Variants in GSS observed in about 807,000 individuals in gnomAD.
The protein encoded by GSS is GSH synthetase.
In GSS, 34 loss-of-function variants were observed where a neutral mutation model predicts 60.4. The observed-to-expected ratio is 0.56, with a 90% CI of 0.43 to 0.75. The LOEUF (loss-of-function observed/expected upper bound fraction) is 0.75, where lower values mean the gene tolerates loss of function less well. Ranked by LOEUF, GSS falls within the 30% of genes least tolerant of loss-of-function variation. GSS has a pLI of 0.00. For missense variants in GSS, 499 were observed against 595.1 expected, an observed-to-expected ratio of 0.84 and a Z score of 1.68; for synonymous variants, 224 against 239.0, an observed-to-expected ratio of 0.94 and a Z score of 0.58.
At chr20:34,941,942 C>T (rs1283711709) in intron 5 of GSS, 113 bp from the exon 6 acceptor site, 6 of 754,128 alleles carry the variant, frequency 8.0e-6, no homozygotes, top group Non-Finnish European at 2.4e-6. Context: ...CACTAAAAAG[C>T]ATCCTCCCAT....
At chr20:34,932,641 AT>A (rs2081410939) in intron 9 of GSS, among the ~76,000 whole-genome samples, 1 of 151,996 alleles carries the variant, frequency 6.6e-6, no homozygotes, top group Admixed American at 6.6e-5. Context: ...GATCCTTACC[AT>A]CCTTACATCT....
rs149167077 is a variant in GSS, at chr20:34,939,922, G to A, written c.608+1791C>T. ...TGACCTCTGATGATCCACCCGCCTC[G>A]GTCTCCCAAAGTGCTGGGATTAGAG... On this transcript the variant is annotated intron_variant, in intron 6 of 12. Coordinates refer to ENST00000651619, the MANE Select transcript of GSS (RefSeq NM_000178.4). Among the ~76,000 whole-genome samples the A allele has an allele frequency of 3.8e-3, 573 of 151,976 alleles. 2 individuals carry two copies. Among genetic ancestry groups the A allele is most frequent in the African/African-American group, 0.013 (546 of 41,448 alleles).
chr20:34,932,138 A>T lies in GSS; in HGVS notation c.835-5T>A, dbSNP rs777196322. On this transcript the variant is annotated splice_polypyrimidine_tract_variant and splice_region_variant and intron_variant, in intron 9 of 12. Coordinates refer to ENST00000651619, the MANE Select transcript of GSS (RefSeq NM_000178.4). ...CAGTAGACGTGCTTCCCAATTCTGC[A>T]GAGGGAAGAAGACAAAAGGAATTCG... 8 of 1,610,814 alleles carry T rather than the reference A, an allele frequency of 5.0e-6. 1 individual carries two copies. In the South Asian group the frequency reaches 7.7e-5, roughly 15 times the overall value.
At chr20:34,953,616 C>CT (rs1569019899) in intron 1 of GSS, among the ~76,000 whole-genome samples, 1 of 137,650 alleles carries the variant, frequency 7.3e-6, no homozygotes, top group African/African-American at 2.9e-5. Flanking sequence ...CTCCCTCTTT[C>CT]TTTCTTTTTT....
chr20:34,942,568 G>A lies in GSS; in HGVS notation c.411C>T (p.Ser137=), dbSNP rs550805482. 5.0e-6 allele frequency: 8 copies of A among 1,613,978 alleles called. No homozygotes were observed. The South Asian group carries it at 8.8e-5, about 18-fold the overall frequency. The change falls in exon 5 of 13, where the codon TCC becomes TCT. Residue 137 remains serine, a synonymous_variant. Transcript: ENST00000651619. The part of the protein sequence containing the change: ...DYMFQRSADG[S]PALKQIEINT... ...TGATTTCGATCTGTTTCAGGGCTGG[G>A]GAGCCATCTGCGCTGCGCTGGAACA...
At position 34,930,264 on chromosome 20, in the gene GSS, C is replaced by CAAA. The variant is rs34585562; in HGVS notation, c.1112-677_1112-675dup. On this transcript the variant is annotated intron_variant, in intron 11 of 12. Transcript: ENST00000651619. ...CTGGTGACAGAGCGAGAATCCGTCTCAAAAAAAAAAAAAAAATTGTTAACT... is the reference window on the plus strand; with the variant it reads ...CTGGTGACAGAGCGAGAATCCGTCTCAAAAAAAAAAAAAAAAAAATTGTTAACT... Among the ~76,000 whole-genome samples, 171 of 130,628 alleles carry CAAA rather than the reference C, an allele frequency of 1.3e-3. 1 individual carries two copies. The highest frequency in any genetic ancestry group is 4.6e-3 in the African/African-American group (162 of 35,056). The allele number at this position is 130,628 out of a possible 152,430, so 85.7% of individuals were successfully genotyped here.
At chr20:34,932,270 C>A in intron 9 of GSS, 137 bp from the exon 10 acceptor site, 1 of 771,422 alleles carries the variant, frequency 1.3e-6, no homozygotes, top group Non-Finnish European at 2.3e-6. Flanking sequence ...TTCTAACATC[C>A]TTGTGAGCCA....
rs917467878 is a variant in GSS, at chr20:34,952,498, G to A, written c.-8-638C>T. On this transcript the variant is annotated intron_variant, in intron 1 of 12. Transcript: ENST00000651619. ...CGCCTAGGCTGGAGTTCAGTGGCTC[G>A]ATCTTGGCTCACTGCAACCTCCGCC... Among the ~76,000 whole-genome samples, 6 of 151,570 alleles carry A rather than the reference G, an allele frequency of 4.0e-5. No homozygotes were observed. The East Asian group carries it at 7.7e-4, about 20-fold the overall frequency.
chr20:34,928,932 T>C lies in GSS; in HGVS notation c.1321A>G (p.Met441Val). The C allele has an allele frequency of 6.2e-7, 1 of 1,613,524 alleles. No individual in the cohort carries two copies. The highest frequency in any genetic ancestry group is 8.5e-7 in the Non-Finnish European group (1 of 1,180,024). ...AGTAGATGCCCCACGTGCTTGTTCA[T>C]CACGAGTGTCTTTTCCTGCCTATAG... Reference protein sequence around the residue: ...VYVRQEKTLVMNKHVGHLLRT... With the variant: ...VYVRQEKTLVVNKHVGHLLRT... The change falls in exon 13 of 13, where the codon ATG (methionine) becomes GTG (valine). Residue 441 changes from methionine (M) to valine (V), a missense_variant. Physicochemically the swap from Met to Val is conservative, Grantham distance 21. Transcript: ENST00000651619.
At chr20:34,932,852 T>G (rs535131588) in intron 9 of GSS, among the ~76,000 whole-genome samples, 1 of 152,128 alleles carries the variant, frequency 6.6e-6, no homozygotes, top group Non-Finnish European at 1.5e-5. Context: ...TGTTTACTTT[T>G]TTTTTCTTTT....
In GSS at chr20:34,928,740, G is replaced by A. The variant is rs1222892545; in HGVS notation, c.*88C>T. 13 of 1,455,696 alleles carry A rather than the reference G, an allele frequency of 8.9e-6. No homozygotes were observed. The highest frequency in any genetic ancestry group is 1.2e-5 in the Non-Finnish European group (13 of 1,040,618). 90.2% of individuals were successfully genotyped at this position (1,455,696 alleles called of 1,614,324 possible). On this transcript the variant is annotated 3_prime_UTR_variant, in exon 13 of 13. Transcript: ENST00000651619. ...GTATTTACCCTTCCATAAAAACTTTGGAGGTCTTTAGGAGGATACCCCTCA... is the reference window on the plus strand; with the variant it reads ...GTATTTACCCTTCCATAAAAACTTTAGAGGTCTTTAGGAGGATACCCCTCA...
Position 34,945,975 on chromosome 20 carries a change from A to C in GSS, c.253T>G (p.Phe85Val), listed in dbSNP as rs373142611. The C allele has an allele frequency of 6.2e-7, 1 of 1,614,038 alleles. No individual in the cohort carries two copies. Among genetic ancestry groups the C allele is most frequent in the African/African-American group, 1.3e-5 (1 of 74,934 alleles). ...TACCTGGAAAGAGTTTGCTCCAGGA[A>C]GGCAGCGTTCTGGCTGACAGCATCC... ...LVDAVSQNAAFLEQTLSSTIK... is the reference protein window; with the variant it reads ...LVDAVSQNAAVLEQTLSSTIK... Residue 85 changes from phenylalanine to valine, a missense_variant, in exon 3 of 13, where the codon TTC (phenylalanine) becomes GTC (valine). By Grantham distance (50) the Phe-to-Val change is conservative (BLOSUM62 -1). Coordinates refer to ENST00000651619, the MANE Select transcript of GSS (RefSeq NM_000178.4).
intron 2 of GSS, chr20:34,951,357 A>T (rs2081566744): frequency 4.2e-6 from 1 of 239,710 alleles, no homozygotes; most frequent in African/African-American, 2.2e-5. Context: ...CCAGTTACAG[A>T]GAAGGTAGAG....
chr20:34,929,184 C>A, intron 12 of GSS: 2 of 693,082 alleles, frequency 2.9e-6, no homozygotes. Context: ...AAGGACTTCT[C>A]ATCAGGGCTT....
intron 3 of GSS, among the ~76,000 whole-genome samples, chr20:34,944,026 G>C (rs1033006940): frequency 6.6e-6 from 1 of 152,184 alleles, no homozygotes; most frequent in African/African-American, 2.4e-5. Flanking sequence ...CAGACCAGTG[G>C]GGGGAAGCCA....
intron 1 of GSS, chr20:34,952,303 CAAG>C (rs1281481303): frequency 4.0e-6 from 1 of 251,050 alleles, no homozygotes; most frequent in Admixed American, 4.9e-5. Context: ...AACTGTGAAA[CAAG>C]AAGAATCGGA....
intron 6 of GSS, 60 bp downstream of exon 6, chr20:34,941,653 C>T: frequency 1.4e-5 from 13 of 937,206 alleles, no homozygotes; most frequent in Non-Finnish European, 2.3e-5. Context: ...AAAGAAGTTG[C>T]TAAACCCATG....
intron 9 of GSS, 138 bp from the exon 10 acceptor site, chr20:34,932,271 T>C: frequency 1.3e-6 from 1 of 770,520 alleles, no homozygotes; most frequent in Non-Finnish European, 2.3e-6. Context: ...TCTAACATCC[T>C]TGTGAGCCAG....
intron 1 of GSS, chr20:34,952,927 TAGTAGCAGGAAATG>T (rs1298907895): frequency 6.6e-6 from 1 of 152,242 alleles, no homozygotes; most frequent in East Asian, 1.9e-4. Flanking sequence ...GAAGGAATCT[TAGTAGCAGGAAATG>T]ACTACATTCC....
Sources: gnomAD v4.1 joint callset for allele counts (sites outside exome capture counted in the v4.1 genomes callset) on GRCh38, gnomAD v4.1.1 for gene constraint, MANE v1.5 for transcripts, NCBI Gene and HGNC (gene_info 2026-07-23, HGNC 2026-07-21) for gene names.